OXR1: variants seen among roughly 807,000 people sequenced by gnomAD.
OXR1 encodes oxidation resistance 1.
OXR1 carries 41 observed loss-of-function variants against 104.6 expected under a neutral mutation model. The ratio of observed to expected loss-of-function variants is 0.39; its 90% CI spans 0.31 to 0.51. The LOEUF is 0.51. OXR1 is among the 20% of genes least tolerant of loss of function. The pLI is 0.77. For synonymous variants in OXR1, 348 were observed against 348.4 expected, an observed-to-expected ratio of 1.00 and a Z score of 0.01; for missense variants, 955 against 1,031.9, an observed-to-expected ratio of 0.93 and a Z score of 1.02.
intron 11 of OXR1, among the ~76,000 whole-genome samples, chr8:106,733,837 A>G (rs1210517759): frequency 2.6e-5 from 4 of 151,440 alleles, no homozygotes; most frequent in South Asian, 2.1e-4. Context: ...AAAAAAAAAA[A>G]AAAAGAAAAG....
At chr8:106,336,022 G>A (rs1416948360) in intron 1 of OXR1, among the ~76,000 whole-genome samples, 1 of 152,178 alleles carries the variant, frequency 6.6e-6, no homozygotes, top group East Asian at 1.9e-4. Flanking sequence ...CCTGAACCCC[G>A]GAGGCAGAGG....
chr8:106,595,979 C>G (rs1292568428), intron 3 of OXR1, among the ~76,000 whole-genome samples: 3 of 151,998 alleles, frequency 2.0e-5, no homozygotes, highest in African/African-American at 7.3e-5. Flanking sequence ...ATATTTCTTC[C>G]TTCTCCTAAT....
chr8:106,544,207 C>A (rs1456747917), intron 3 of OXR1, among the ~76,000 whole-genome samples: 1 of 135,542 alleles, frequency 7.4e-6, no homozygotes, highest in South Asian at 2.4e-4. Flanking sequence ...TTTTCTTTTT[C>A]TTTTTTTTTT....
intron 1 of OXR1, among the ~76,000 whole-genome samples, chr8:106,295,942 G>A (rs1037085582): frequency 1.4e-5 from 2 of 147,530 alleles, no homozygotes; most frequent in African/African-American, 5.0e-5. Context: ...TTCCTTGGTG[G>A]AGATCTCAGA....
chr8:106,612,587 CAGAT>C lies in OXR1; in HGVS notation c.221-66620_221-66617del, dbSNP rs1194963943. 2.6e-5 allele frequency among the ~76,000 whole-genome samples: 4 copies of C among 151,918 alleles called. No individual in the cohort carries two copies. The East Asian group carries it at 7.7e-4, about 29-fold the overall frequency. On this transcript the variant is annotated intron_variant, in intron 3 of 16. Coordinates refer to ENST00000517566, the MANE Select transcript of OXR1 (RefSeq NM_001198533.2). ...TATGACAATTTTGTATTTTCTAAGT[CAGAT>C]AGTTAAGAAAATCTTTGTTTTCAGG...
At chr8:106,670,179 C>A (rs28921387) in intron 3 of OXR1, among the ~76,000 whole-genome samples, 9,007 of 152,196 alleles carry the variant, frequency 0.059, 355 homozygotes, top group African/African-American at 0.098. Context: ...GTGATCTCTT[C>A]TCACTTTGGA....
chr8:106,510,502 G>A (rs1353281728), intron 2 of OXR1, among the ~76,000 whole-genome samples: 1 of 152,186 alleles, frequency 6.6e-6, no homozygotes, highest in Non-Finnish European at 1.5e-5. Context: ...AGTAAGAAAT[G>A]CTAACGTTTT....
intron 1 of OXR1, among the ~76,000 whole-genome samples, chr8:106,350,755 T>G (rs1440522603): frequency 2.6e-5 from 4 of 152,254 alleles, no homozygotes; most frequent in African/African-American, 9.6e-5. Flanking sequence ...ACATCCATGC[T>G]GACCTTAATC....
chr8:106,507,119 G>C (rs912878018), intron 2 of OXR1, among the ~76,000 whole-genome samples: 4 of 152,086 alleles, frequency 2.6e-5, no homozygotes, highest in African/African-American at 9.7e-5. Flanking sequence ...CTTATTCAAG[G>C]AATAGTGAAA....
intron 11 of OXR1, among the ~76,000 whole-genome samples, chr8:106,714,763 T>A (rs1342338308): frequency 6.6e-6 from 1 of 152,104 alleles, no homozygotes; most frequent in Non-Finnish European, 1.5e-5. Context: ...TGTAATCAAA[T>A]TTTTTTATTC....
intron 2 of OXR1, among the ~76,000 whole-genome samples, chr8:106,459,437 AT>A (rs1427549591): frequency 2.0e-5 from 3 of 152,050 alleles, no homozygotes; most frequent in Admixed American, 1.3e-4. Context: ...GAATAAATTT[AT>A]TTTTTTATTA....
chr8:106,659,726 G>A lies in OXR1; in HGVS notation c.221-19484G>A, dbSNP rs566057060. ...GTGTATCTGATTCATTCGGTGGCCC[G>A]TGTCTGTAGTTCCAGCTACTCTGCT... On this transcript the variant is annotated intron_variant, in intron 3 of 16. Coordinates refer to ENST00000517566, the MANE Select transcript of OXR1 (RefSeq NM_001198533.2). Among the ~76,000 whole-genome samples the A allele has an allele frequency of 2.6e-5, 4 of 152,306 alleles. No individual in the cohort carries two copies. The East Asian group carries it at 5.8e-4, about 22-fold the overall frequency.
In OXR1 at chr8:106,707,048, T is replaced by C; in HGVS notation, c.1527T>C (p.His509=). 1 of 1,613,868 alleles carries C rather than the reference T, an allele frequency of 6.2e-7. No individual in the cohort carries two copies. The highest frequency in any genetic ancestry group is 1.1e-5 in the South Asian group (1 of 91,074). The change falls in exon 9 of 17, where the codon CAT becomes CAC. Residue 509 remains histidine, a synonymous_variant. Coordinates refer to ENST00000517566, the MANE Select transcript of OXR1 (RefSeq NM_001198533.2). ...AEELRKLWKT[H]TMQQTKQQRE... is the part of the protein sequence containing the mutation. ...AGCTACGCAAACTTTGGAAAACCCATACTATGCAACAAACTAAACAGCAAA... is the reference window on the plus strand; with the variant it reads ...AGCTACGCAAACTTTGGAAAACCCACACTATGCAACAAACTAAACAGCAAA...
intron 1 of OXR1, 105 bp from the exon 2 acceptor site, chr8:106,359,371 G>A (rs1191997122): frequency 4.7e-6 from 2 of 428,994 alleles, no homozygotes; most frequent in East Asian, 3.4e-5. Context: ...TATTTTTTGT[G>A]TGTATCTTAT....
intron 2 of OXR1, among the ~76,000 whole-genome samples, chr8:106,390,747 G>A (rs1817559843): frequency 6.6e-6 from 1 of 152,106 alleles, no homozygotes; most frequent in African/African-American, 2.4e-5. Context: ...GGTAATAATA[G>A]TAAAATAATT....
intron 1 of OXR1, among the ~76,000 whole-genome samples, chr8:106,354,003 G>A (rs140675325): frequency 6.6e-6 from 1 of 151,976 alleles, no homozygotes; most frequent in East Asian, 1.9e-4. Flanking sequence ...TTGTCTTTTT[G>A]TTCCTGGCTG....
intron 3 of OXR1, among the ~76,000 whole-genome samples, chr8:106,602,319 A>G (rs971847468): frequency 1.3e-5 from 2 of 152,242 alleles, no homozygotes; most frequent in Non-Finnish European, 2.9e-5. Context: ...GAGGGACAAG[A>G]GTAGAGGCCA....
intron 11 of OXR1, among the ~76,000 whole-genome samples, chr8:106,726,681 G>A (rs779770438): frequency 1.3e-5 from 2 of 152,020 alleles, no homozygotes; most frequent in Non-Finnish European, 2.9e-5. Flanking sequence ...ATTATTGACT[G>A]GATCTCAAAC....
intron 2 of OXR1, among the ~76,000 whole-genome samples, chr8:106,371,850 G>A (rs909369858): frequency 3.3e-5 from 5 of 152,256 alleles, no homozygotes; most frequent in African/African-American, 1.2e-4. Flanking sequence ...GTGTTGGGCT[G>A]TGGGGACAAG....
Sources: allele counts gnomAD v4.1 joint callset (sites outside exome capture counted in the v4.1 genomes callset), GRCh38; gene constraint gnomAD v4.1.1; transcripts MANE v1.5; gene names NCBI Gene and HGNC (gene_info 2026-07-23, HGNC 2026-07-21).